Variants in SEPTIN14 observed in about 807,000 individuals in gnomAD.
SEPTIN14 encodes the protein septin 14.
A neutral mutation model predicts 53.6 loss-of-function variants in SEPTIN14; 40 were observed. The observed-to-expected ratio is 0.75, with a 90% confidence interval of 0.58 to 0.97. SEPTIN14 has a LOEUF of 0.97. Among genes scored for constraint, SEPTIN14 ranks in the 50% least tolerant of loss-of-function variants. The pLI is 0.00. For missense variants in SEPTIN14, 471 were observed against 508.2 expected (o/e 0.93, Z 0.70); for synonymous variants, 138 against 166.8 (o/e 0.83, Z 1.33).
At chr7:55,838,748 T>C (rs921239823) in intron 5 of SEPTIN14, among the ~76,000 whole-genome samples, 1 of 151,832 alleles carries the variant, frequency 6.6e-6, no homozygotes, top group African/African-American at 2.4e-5. Context: ...GGGGTCTCAC[T>C]ACATTGCCCA....
intron 7 of SEPTIN14, among the ~76,000 whole-genome samples, chr7:55,814,289 A>C (rs1173292447): frequency 1.3e-5 from 2 of 152,200 alleles, no homozygotes; most frequent in Non-Finnish European, 1.5e-5. Flanking sequence ...TTCAATGCCC[A>C]GACATAGATG....
chr7:55,842,977 G>A lies in SEPTIN14; in HGVS notation c.523C>T (p.Leu175Phe), dbSNP rs1287684282. The A allele has an allele frequency of 1.9e-6, 3 of 1,549,218 alleles. No homozygotes were observed. In the Admixed American group the frequency reaches 6.5e-5, roughly 34 times the overall value. The change falls in exon 5 of 10, where the codon CTT becomes TTT. Residue 175 changes from leucine to phenylalanine, a missense_variant. Transcript: ENST00000388975. ...ISPTGHSLKS[L>F]DLLTMKNLDS... ...AGGTTCTTCATTGTTAATAGATCAA[G>A]AGACTTCAGGGAATGTCCTGTAGGT...
intron 6 of SEPTIN14, among the ~76,000 whole-genome samples, chr7:55,825,737 C>T (rs112955454): frequency 2.0e-5 from 3 of 151,960 alleles, no homozygotes; most frequent in African/African-American, 4.8e-5. Flanking sequence ...GAGGCCGAGG[C>T]GGTTGGATCA....
At chr7:55,831,421 T>C (rs1314336129) in intron 6 of SEPTIN14, among the ~76,000 whole-genome samples, 3 of 152,044 alleles carry the variant, frequency 2.0e-5, no homozygotes, top group Non-Finnish European at 4.4e-5. Context: ...TGGCTACCCA[T>C]AGGCAAAAGA....
intron 6 of SEPTIN14, among the ~76,000 whole-genome samples, chr7:55,823,596 C>CT (rs1177994357): frequency 6.6e-6 from 1 of 152,208 alleles, no homozygotes; most frequent in Non-Finnish European, 1.5e-5. Flanking sequence ...GATGGGGCTA[C>CT]CTGTGTGGCA....
chr7:55,834,636 T>G (rs757045322), intron 5 of SEPTIN14, 50 bp from the exon 6 acceptor site: 2 of 1,356,414 alleles, frequency 1.5e-6, no homozygotes, highest in Non-Finnish European at 2.0e-6. Flanking sequence ...ATCTCACAGT[T>G]TTTTTGTTTT....
chr7:55,860,439 G>A (rs182274097), intron 2 of SEPTIN14, among the ~76,000 whole-genome samples: 67 of 152,132 alleles, frequency 4.4e-4, no homozygotes, highest in Non-Finnish European at 8.8e-4. Flanking sequence ...ATTCAGTTAG[G>A]CAGAAGAAAT....
chr7:55,805,774 C>T (rs548776736), intron 8 of SEPTIN14, among the ~76,000 whole-genome samples: 1 of 152,112 alleles, frequency 6.6e-6, no homozygotes, highest in Non-Finnish European at 1.5e-5. Context: ...TTATCCCCAC[C>T]ACTTTCCAGG....
At chr7:55,833,803 A>G (rs1789156667) in intron 6 of SEPTIN14, among the ~76,000 whole-genome samples, 1 of 152,184 alleles carries the variant, frequency 6.6e-6, no homozygotes, top group South Asian at 2.1e-4. Context: ...ACTAAGAACA[A>G]AAAGAGAGAA....
At chr7:55,828,600 G>A (rs368749687) in intron 6 of SEPTIN14, among the ~76,000 whole-genome samples, 14 of 152,146 alleles carry the variant, frequency 9.2e-5, no homozygotes, top group South Asian at 4.2e-4. Context: ...CACTGCACCC[G>A]GCCAGATGAA....
intron 2 of SEPTIN14, among the ~76,000 whole-genome samples, chr7:55,855,299 C>T (rs1465428228): frequency 1.3e-5 from 2 of 151,092 alleles, no homozygotes; most frequent in African/African-American, 2.4e-5. Flanking sequence ...TGAGCCACGG[C>T]GCCCGGTCAG....
chr7:55,858,785 C>G (rs1038625713), intron 2 of SEPTIN14, among the ~76,000 whole-genome samples: 9 of 151,880 alleles, frequency 5.9e-5, no homozygotes, highest in African/African-American at 2.2e-4. Flanking sequence ...GCCTGGGCAA[C>G]AAGAGTGAAA....
chr7:55,798,451 T>G (rs2115945755), intron 9 of SEPTIN14: 1 of 267,554 alleles, frequency 3.7e-6, no homozygotes, highest in African/African-American at 2.3e-5. Flanking sequence ...AGACAGAGAA[T>G]GACCACAATG....
In SEPTIN14 at chr7:55,793,996, A is replaced by G. The variant is rs1247248712; in HGVS notation, c.*1917T>C. The G allele has an allele frequency of 2.0e-5, 3 of 152,184 alleles. No individual in the cohort carries two copies. Among genetic ancestry groups the G allele is most frequent in the Admixed American group, 1.3e-4 (2 of 15,268 alleles). The allele number at this position is 152,184 out of a possible 1,614,324, so 9.4% of individuals were successfully genotyped here. On this transcript the variant is annotated 3_prime_UTR_variant, in exon 10 of 10. Transcript: ENST00000388975. The stretch of plus-strand genomic sequence containing the variant: ...AGCTGAAAGAGACAAATATTTACTT[A>G]TAAAGTTAAAAGTTATATGGAAAAC...
At chr7:55,820,856 C>T (rs1317145737) in intron 6 of SEPTIN14, among the ~76,000 whole-genome samples, 1 of 152,034 alleles carries the variant, frequency 6.6e-6, no homozygotes, top group Non-Finnish European at 1.5e-5. Context: ...AGGAGAATTG[C>T]TTGAATCCAG....
At chr7:55,833,034 C>T (rs750703477) in intron 6 of SEPTIN14, among the ~76,000 whole-genome samples, 5 of 152,124 alleles carry the variant, frequency 3.3e-5, no homozygotes, top group South Asian at 4.2e-4. Context: ...AAAAAGATCT[C>T]GCCTGTGTGG....
At position 55,795,764 on chromosome 7, in the gene SEPTIN14, C is replaced by T. The variant is rs1788420660; in HGVS notation, c.*149G>A. ...ATTACAGGCATGAGCCACCACACCCCGCTAGGAGTTCACACTTTAGTTGGG... is the reference window on the plus strand; with the variant it reads ...ATTACAGGCATGAGCCACCACACCCTGCTAGGAGTTCACACTTTAGTTGGG... On this transcript the variant is annotated 3_prime_UTR_variant, in exon 10 of 10. Coordinates refer to ENST00000388975, the MANE Select transcript of SEPTIN14 (RefSeq NM_207366.3). 1.4e-5 allele frequency: 9 copies of T among 656,658 alleles called. No individual in the cohort carries two copies. The highest frequency in any genetic ancestry group is 4.3e-4 in the Middle Eastern group (1 of 2,312). 40.7% of individuals were successfully genotyped at this position (656,658 alleles called of 1,614,324 possible). A position where few individuals can be genotyped will look rare whatever the true frequency, so the allele number is the denominator to read the frequency against.
chr7:55,843,116 T>C lies in SEPTIN14; in HGVS notation c.384A>G (p.Ile128Met). 6.4e-7 allele frequency: 1 copy of C among 1,574,364 alleles called. No homozygotes were observed. The highest frequency in any genetic ancestry group is 2.1e-5 in the Admixed American group (1 of 48,042). Residue 128 changes from isoleucine (I) to methionine (M), a missense_variant, in exon 5 of 10, where the codon ATA (isoleucine) becomes ATG (methionine). Ile to Met is a conservative substitution (Grantham distance 10). Coordinates refer to ENST00000388975, the MANE Select transcript of SEPTIN14 (RefSeq NM_207366.3). ...QIDKEASYQP[I>M]VDYIDAQFEA... The stretch of plus-strand genomic sequence containing the variant: ...CAAATTGGGCATCTATGTAGTCAAC[T>C]ATTGGTTGGTAGCTAAAAAAAAATT...
At chr7:55,830,343 A>ATTTTTTTTTTTTTTTTTT (rs1454944685) in intron 6 of SEPTIN14, among the ~76,000 whole-genome samples, 1 of 26,194 alleles carries the variant, frequency 3.8e-5, no homozygotes, top group Non-Finnish European at 6.1e-5. Flanking sequence ...ATATATATAT[A>ATTTTTTTTTTTTTTTTTT]TATATATTTT....
Sources: allele counts gnomAD v4.1 joint callset (sites outside exome capture counted in the v4.1 genomes callset), GRCh38; gene constraint gnomAD v4.1.1; transcripts MANE v1.5; gene names NCBI Gene and HGNC (gene_info 2026-07-23, HGNC 2026-07-21).